The following ATAD3C variants were observed in gnomAD, a reference collection of about 807,000 sequenced individuals.
ATAD3C encodes the protein ATPase family AAA domain containing 3C.
In ATAD3C, 38 loss-of-function variants were observed where a neutral mutation model predicts 46.3. The observed-to-expected ratio is 0.82, with a 90% CI of 0.63 to 1.08. The LOEUF is 1.08. Among genes scored for constraint, ATAD3C ranks in the 50% least tolerant of loss-of-function variants. The probability of loss-of-function intolerance (pLI) is 0.00; values close to 1 mark genes in which losing one functional copy is unlikely to be tolerated. For missense variants in ATAD3C, 563 were observed against 572.7 expected (o/e 0.98, Z 0.17); for synonymous variants, 220 against 236.4 (o/e 0.93, Z 0.63).
At chr1:1,451,839 G>A (rs1253822614) in intron 1 of ATAD3C, among the ~76,000 whole-genome samples, 2 of 152,066 alleles carry the variant, frequency 1.3e-5, no homozygotes, top group Non-Finnish European at 2.9e-5. Flanking sequence ...TGCCGCTGGG[G>A]AGTTTGGGCC....
At position 1,460,875 on chromosome 1, in the gene ATAD3C, A is replaced by T. The variant is rs1267306001; in HGVS notation, c.938A>T (p.Tyr313Phe). 1.9e-6 allele frequency: 3 copies of T among 1,612,792 alleles called. No homozygotes were observed. The highest frequency in any genetic ancestry group is 3.3e-5 in the Admixed American group (2 of 59,926). ...GAGCGGGCGCGCCTGGTGAGAATGT[A>T]TCTTAACGAGTATGTTCTTAAGCCG... is the stretch of plus-strand genomic sequence containing the variant. ...QEERARLVRM[Y>F]LNEYVLKPAT... Residue 313 changes from tyrosine (Y) to phenylalanine (F), a missense_variant, in exon 10 of 12, where the codon TAT (tyrosine) becomes TTT (phenylalanine). Around this residue, in one of 3 missense-constraint regions of ATAD3C, gnomAD observed 273 missense variants for 253.5 expected, o/e 1.08. Transcript: ENST00000378785.
chr1:1,467,471 G>A (rs1639163139), intron 11 of ATAD3C, among the ~76,000 whole-genome samples: 1 of 152,106 alleles, frequency 6.6e-6, no homozygotes, highest in African/African-American at 2.4e-5. Context: ...GGCTCTTGGT[G>A]AGGGATGGGC....
rs1416320920 is a variant in ATAD3C at position 1,468,886 on chromosome 1, A to G, written c.*356A>G. On this transcript the variant is annotated 3_prime_UTR_variant, in exon 12 of 12. Coordinates refer to ENST00000378785, the MANE Select transcript of ATAD3C (RefSeq NM_001039211.3). ...CCGCCAGAGCTGCCTGTGGCCAGAC[A>G]CACGGTGGAGGGAAGTGCACGCGAA... 5 of 297,536 alleles carry G rather than the reference A, an allele frequency of 1.7e-5. No homozygotes were observed. Among genetic ancestry groups the G allele is most frequent in the Non-Finnish European group, 2.6e-5 (4 of 156,534 alleles). The allele number at this position is 297,536 out of a possible 1,614,324, so 18.4% of individuals were successfully genotyped here. A position where few individuals can be genotyped will look rare whatever the true frequency, so the allele number is the denominator to read the frequency against.
chr1:1,466,566 G>C (rs568847978), intron 11 of ATAD3C, among the ~76,000 whole-genome samples: 1 of 149,982 alleles, frequency 6.7e-6, no homozygotes, highest in Non-Finnish European at 1.5e-5. Context: ...AATTGTATTT[G>C]GCCAAATGTT....
rs758126405 is a variant in ATAD3C, at chr1:1,460,747, C to A, written c.813-3C>A. 5 of 1,600,284 alleles carry A rather than the reference C, an allele frequency of 3.1e-6. No homozygotes were observed. Among genetic ancestry groups the A allele is most frequent in the Non-Finnish European group, 4.3e-6 (5 of 1,172,590 alleles). On this transcript the variant is annotated splice_region_variant and splice_polypyrimidine_tract_variant and intron_variant, in intron 9 of 11. Transcript: ENST00000378785. ...CGTTTCCTTCCCCATCCCCGCCCCG[C>A]AGATTCATGCTGATCCTGGCCAGCT... is the stretch of plus-strand genomic sequence containing the variant.
Position 1,450,673 on chromosome 1 carries a change from A to T in ATAD3C, c.-11A>T, listed in dbSNP as rs2454658. ...TAACACCTGCCCTCCGTGTCCCTGC[A>T]TCTGCAGGCCATGTCAAAGGACGCC... On this transcript the variant is annotated 5_prime_UTR_variant, in exon 1 of 12. Coordinates refer to ENST00000378785, the MANE Select transcript of ATAD3C (RefSeq NM_001039211.3). 6.2e-7 allele frequency: 1 copy of T among 1,609,928 alleles called. No individual in the cohort carries two copies. The highest frequency in any genetic ancestry group is 1.7e-5 in the Admixed American group (1 of 59,358).
intron 8 of ATAD3C, 135 bp downstream of exon 8, chr1:1,457,315 C>A: frequency 6.8e-7 from 1 of 1,461,008 alleles, no homozygotes; most frequent in Non-Finnish European, 9.4e-7. Flanking sequence ...GCATTTTTGG[C>A]CAGGTGTGGA....
rs564998888 is a variant in ATAD3C, at chr1:1,450,083, C to T, written c.-601C>T. On this transcript the variant is annotated 5_prime_UTR_variant, in exon 1 of 12. Transcript: ENST00000378785. ...GTGGCTCACACCTGTAATCCCAGCA[C>T]TTTGGGAGGCTGAGGTGGGCGGATC... is the stretch of plus-strand genomic sequence containing the variant. 2.0e-4 allele frequency: 30 copies of T among 152,356 alleles called. 1 individual carries two copies. In the East Asian group the frequency reaches 5.8e-3, roughly 29 times the overall value. 9.4% of individuals were successfully genotyped at this position (152,356 alleles called of 1,614,324 possible). A position where few individuals can be genotyped will look rare whatever the true frequency, so the allele number is the denominator to read the frequency against.
chr1:1,457,316 C>T (rs1638980401), intron 8 of ATAD3C, 136 bp downstream of exon 8: 2 of 1,455,870 alleles, frequency 1.4e-6, no homozygotes, highest in African/African-American at 1.4e-5. Context: ...CATTTTTGGC[C>T]AGGTGTGGAG....
At chr1:1,451,178 C>CT (rs2100470911) in intron 1 of ATAD3C, among the ~76,000 whole-genome samples, 1 of 149,130 alleles carries the variant, frequency 6.7e-6, no homozygotes, top group Admixed American at 6.7e-5. Flanking sequence ...GGAGCTGGGA[C>CT]TACAGGCACC....
chr1:1,453,056 C>G (rs1279352473), intron 3 of ATAD3C, among the ~76,000 whole-genome samples: 1 of 152,072 alleles, frequency 6.6e-6, no homozygotes, highest in Non-Finnish European at 1.5e-5. Flanking sequence ...GGCACTTGCT[C>G]TGCCGTGGTG....
chr1:1,458,878 G>A (rs769456519), intron 8 of ATAD3C, among the ~76,000 whole-genome samples: 1 of 151,648 alleles, frequency 6.6e-6, no homozygotes, highest in Non-Finnish European at 1.5e-5. Context: ...GTGCCACCAC[G>A]CCTGGCTAAT....
chr1:1,450,423 A>G lies in ATAD3C; in HGVS notation c.-261A>G, dbSNP rs2454656. 261 of 477,344 alleles carry G rather than the reference A, an allele frequency of 5.5e-4. 5 individuals are homozygous for G. The highest frequency in any genetic ancestry group is 1.7e-3 in the Middle Eastern group (3 of 1,778). 29.6% of individuals were successfully genotyped at this position (477,344 alleles called of 1,614,324 possible). On this transcript the variant is annotated 5_prime_UTR_variant, in exon 1 of 12. An upstream start codon of the reference 5' UTR is lost. Coordinates refer to ENST00000378785, the MANE Select transcript of ATAD3C (RefSeq NM_001039211.3). The stretch of plus-strand genomic sequence containing the variant: ...TGGGAAAGAGCCTCCTCCCGTCCAC[A>G]TGGGATGGCCTTCCTGATGTGGCTC...
In ATAD3C at chr1:1,457,941, G is replaced by T. The variant is rs1010980177; in HGVS notation, c.741+761G>T. On this transcript the variant is annotated intron_variant, in intron 8 of 11. Transcript: ENST00000378785. ...TGCCCCTGCCTCAGCCTCTCAAAGT[G>T]CTGGTATTATAGGTGTGAGCCACTG... Among the ~76,000 whole-genome samples the T allele has an allele frequency of 2.2e-4, 34 of 151,550 alleles. 1 individual carries two copies. Among genetic ancestry groups the T allele is most frequent in the Non-Finnish European group, 4.4e-4 (30 of 67,918 alleles).
intron 11 of ATAD3C, among the ~76,000 whole-genome samples, chr1:1,464,195 A>G (rs1176801431): frequency 2.0e-5 from 3 of 146,748 alleles, no homozygotes; most frequent in African/African-American, 7.7e-5. Flanking sequence ...CAACAGAGTG[A>G]GACTGTCTCA....
intron 9 of ATAD3C, 81 bp from the exon 10 acceptor site, chr1:1,460,669 A>T: frequency 6.9e-7 from 1 of 1,445,006 alleles, no homozygotes; most frequent in African/African-American, 1.4e-5. Flanking sequence ...AGTCTTCCTG[A>T]GGGGGCTGAG....
At chr1:1,452,013 A>G in intron 1 of ATAD3C, 33 bp from the exon 2 acceptor site, 3 of 1,611,970 alleles carry the variant, frequency 1.9e-6, no homozygotes, top group Non-Finnish European at 2.5e-6. Flanking sequence ...CTGGTTTTAA[A>G]GGCTTTTCTC....
chr1:1,452,263 G>A (rs771897799), intron 2 of ATAD3C, 102 bp from the exon 3 acceptor site: 51 of 1,593,368 alleles, frequency 3.2e-5, no homozygotes, highest in Non-Finnish European at 4.1e-5. Flanking sequence ...CCCTGTCCTG[G>A]CAGGACCAGG....
rs564925515 is a variant in ATAD3C at position 1,450,487 on chromosome 1, G to A, written c.-197G>A. The A allele has an allele frequency of 1.2e-4, 80 of 683,948 alleles. 2 individuals are homozygous for A. The highest frequency in any genetic ancestry group is 9.7e-4 in the African/African-American group (54 of 55,868). The allele number at this position is 683,948 out of a possible 1,614,324, so 42.4% of individuals were successfully genotyped here. On this transcript the variant is annotated 5_prime_UTR_variant, in exon 1 of 12. An upstream start codon of the reference 5' UTR is lost. Transcript: ENST00000378785. ...CTGGAGGGCATAAAACCTCACAAAT[G>A]CATCAGGCCGTGTGCTGGGGATGGG...
Sources: allele counts gnomAD v4.1 joint callset (sites outside exome capture counted in the v4.1 genomes callset), GRCh38; gene constraint gnomAD v4.1.1; regional missense constraint gnomAD v4.1.1; transcripts MANE v1.5; gene names NCBI Gene and HGNC (gene_info 2026-07-23, HGNC 2026-07-21).